Variants in ARHGAP25 observed in about 807,000 individuals in gnomAD.
ARHGAP25 encodes the protein rho GTPase-activating protein 25.
ARHGAP25 carries 34 observed loss-of-function variants against 71.0 expected under a neutral mutation model. That is an observed-to-expected ratio of 0.48 (90% CI 0.36 to 0.64). The LOEUF is 0.64. ARHGAP25 is among the 30% of genes least tolerant of loss of function. The pLI is 0.00. For missense variants in ARHGAP25, 706 were observed against 805.1 expected (o/e 0.88, Z 1.49); for synonymous variants, 282 against 296.5 (o/e 0.95, Z 0.50).
chr2:68,788,874 T>A (rs74883626), intron 4 of ARHGAP25, among the ~76,000 whole-genome samples: 1,634 of 152,274 alleles, frequency 0.011, 19 homozygotes, highest in Non-Finnish European at 0.016. Flanking sequence ...GGCCTACAGC[T>A]TCCTTCAGAA....
chr2:68,735,286 T>C, intron 1 of ARHGAP25, 26 bp downstream of exon 1: 1 of 1,608,670 alleles, frequency 6.2e-7, no homozygotes, highest in East Asian at 2.2e-5. Flanking sequence ...TTTCGTTGCC[T>C]CTGTGATTCT....
intron 2 of ARHGAP25, among the ~76,000 whole-genome samples, chr2:68,720,860 C>T (rs1249910888): frequency 6.6e-6 from 1 of 152,186 alleles, no homozygotes; most frequent in African/African-American, 2.4e-5. Context: ...CCTTAAACCA[C>T]ACCAGAGGTT....
At chr2:68,818,709 C>T (rs560207980) in intron 8 of ARHGAP25, among the ~76,000 whole-genome samples, 1 of 152,340 alleles carries the variant, frequency 6.6e-6, no homozygotes, top group Non-Finnish European at 1.5e-5. Context: ...TGTCCTGACA[C>T]AGAGTACTGA....
chr2:68,724,263 G>C (rs1674831654), intron 2 of ARHGAP25, among the ~76,000 whole-genome samples: 1 of 152,088 alleles, frequency 6.6e-6, no homozygotes, highest in Admixed American at 6.5e-5. Context: ...CTTCACACTG[G>C]ACTGGCCCTG....
intron 8 of ARHGAP25, 133 bp downstream of exon 8, chr2:68,818,127 T>C: frequency 8.2e-7 from 1 of 1,212,914 alleles, no homozygotes; most frequent in South Asian, 1.3e-5. Flanking sequence ...AATCATGCAA[T>C]AGCCTTGTGA....
upstream of ARHGAP25, among the ~76,000 whole-genome samples, chr2:68,730,486 C>G (rs150036817): frequency 1.3e-5 from 2 of 151,810 alleles, no homozygotes; most frequent in African/African-American, 2.4e-5. Flanking sequence ...CTCTACAGAA[C>G]GAGTTTTTAA....
At chr2:68,758,894 G>A (rs7584252) in intron 1 of ARHGAP25, among the ~76,000 whole-genome samples, 91,592 of 151,746 alleles carry the variant, frequency 0.6, 28,212 homozygotes, top group South Asian at 0.67. Context: ...GGTAGGTATC[G>A]TACAAAGTAT....
At chr2:68,808,747 G>A (rs1189094774) in intron 5 of ARHGAP25, among the ~76,000 whole-genome samples, 1 of 152,196 alleles carries the variant, frequency 6.6e-6, no homozygotes, top group African/African-American at 2.4e-5. Context: ...TTGGCCTGAA[G>A]AAAGATACAG....
chr2:68,779,567 TGTA>T (rs1339916800), intron 2 of ARHGAP25, among the ~76,000 whole-genome samples: 10 of 152,230 alleles, frequency 6.6e-5, no homozygotes, highest in African/African-American at 2.2e-4. Context: ...TGGGCTAAAA[TGTA>T]GTTCTAGATG....
At chr2:68,738,330 G>A (rs1675324257) in intron 1 of ARHGAP25, among the ~76,000 whole-genome samples, 1 of 152,172 alleles carries the variant, frequency 6.6e-6, no homozygotes, top group Non-Finnish European at 1.5e-5. Flanking sequence ...GACCAGGCCA[G>A]TCTACTTGAG....
At chr2:68,735,337 A>C in intron 1 of ARHGAP25, 77 bp downstream of exon 1, 2 of 1,424,270 alleles carry the variant, frequency 1.4e-6, no homozygotes, top group Admixed American at 3.4e-5. Context: ...GTCTGCAGGG[A>C]GCATAGTCTA....
chr2:68,808,884 G>A (rs1387093898), intron 5 of ARHGAP25, among the ~76,000 whole-genome samples: 1 of 152,140 alleles, frequency 6.6e-6, no homozygotes, highest in Non-Finnish European at 1.5e-5. Flanking sequence ...TGGTGGTGTG[G>A]GAATCTTTGA....
chr2:68,825,972 T>C lies in ARHGAP25; in HGVS notation c.1734-15T>C. ...AATGCCACATTCTTTCATTCTTTTC[T>C]TTCCTTCCTTGTAGCCTTGAGAAGG... On this transcript the variant is annotated splice_polypyrimidine_tract_variant and intron_variant, in intron 10 of 10. Coordinates refer to ENST00000409202, the MANE Select transcript of ARHGAP25 (RefSeq NM_001007231.3). The C allele has an allele frequency of 6.2e-7, 1 of 1,600,126 alleles. No homozygotes were observed. The highest frequency in any genetic ancestry group is 8.5e-7 in the Non-Finnish European group (1 of 1,170,568).
chr2:68,793,350 C>T (rs1229869933), intron 4 of ARHGAP25, among the ~76,000 whole-genome samples: 1 of 152,126 alleles, frequency 6.6e-6, no homozygotes, highest in Non-Finnish European at 1.5e-5. Context: ...TTTGCCTAGA[C>T]CAATGTCCAG....
chr2:68,815,468 T>TTTTTTA (rs1681140627), intron 6 of ARHGAP25, among the ~76,000 whole-genome samples: 2 of 96,168 alleles, frequency 2.1e-5, no homozygotes, highest in Admixed American at 1.1e-4. Context: ...TTTTTTTTTT[T>TTTTTTA]GAGATGGAGT....
upstream of ARHGAP25, among the ~76,000 whole-genome samples, chr2:68,730,788 A>G (rs182360218): frequency 6.6e-6 from 1 of 152,206 alleles, no homozygotes; most frequent in Non-Finnish European, 1.5e-5. Context: ...CATTTCTGAT[A>G]CTTCCCTAAA....
chr2:68,766,705 T>A (rs1677141137), intron 1 of ARHGAP25, among the ~76,000 whole-genome samples: 1 of 150,592 alleles, frequency 6.6e-6, no homozygotes. Context: ...TACTCCTCTC[T>A]CTCTCCCCTT....
At chr2:68,750,484 G>A (rs1403681291) in intron 1 of ARHGAP25, among the ~76,000 whole-genome samples, 5 of 151,866 alleles carry the variant, frequency 3.3e-5, no homozygotes, top group African/African-American at 7.3e-5. Flanking sequence ...CACCATGCTC[G>A]GCGTATTTGT....
intron 1 of ARHGAP25, among the ~76,000 whole-genome samples, chr2:68,755,923 TG>T (rs758462687): frequency 1.3e-5 from 2 of 152,264 alleles, no homozygotes; most frequent in Non-Finnish European, 2.9e-5. Context: ...TGTTATTTTA[TG>T]TTTGATGAAT....
Sources: allele counts gnomAD v4.1 joint callset (sites outside exome capture counted in the v4.1 genomes callset), GRCh38; gene constraint gnomAD v4.1.1; transcripts MANE v1.5; gene names NCBI Gene and HGNC (gene_info 2026-07-23, HGNC 2026-07-21).